The following ABCA13 variants were observed in gnomAD, a reference collection of about 807,000 sequenced individuals.
ABCA13 encodes the protein ATP binding cassette subfamily A member 13.
Under a neutral mutation model 478.7 loss-of-function variants are expected in ABCA13, and 476 were observed. That is an observed-to-expected ratio of 0.99 (90% CI 0.92 to 1.07). The LOEUF is 1.07. ABCA13 is among the 50% of genes least tolerant of loss of function. The probability of loss-of-function intolerance (pLI) is 0.00; values close to 1 mark genes in which losing one functional copy is unlikely to be tolerated. For missense variants in ABCA13, 6,060 were observed against 5,910.6 expected, an observed-to-expected ratio of 1.03 and a Z score of -0.83; for synonymous variants, 2,252 against 2,158.9, an observed-to-expected ratio of 1.04 and a Z score of -1.20.
intron 55 of ABCA13, among the ~76,000 whole-genome samples, chr7:48,570,406 G>A (rs1224942569): frequency 1.4e-5 from 2 of 138,398 alleles, no homozygotes; most frequent in Admixed American, 7.9e-5. Flanking sequence ...CTCACTGCAA[G>A]CTCTGCCTCC....
intron 8 of ABCA13, among the ~76,000 whole-genome samples, chr7:48,238,497 C>G (rs1790307823): frequency 1.3e-5 from 2 of 149,546 alleles, no homozygotes; most frequent in African/African-American, 4.9e-5. Flanking sequence ...AAGACAGAGT[C>G]TCACTCTGTT....
Position 48,278,182 on chromosome 7 carries a change from T to C in ABCA13, c.6988T>C (p.Ser2330Pro). The change falls in exon 18 of 62, where the codon TCA becomes CCA. Residue 2330 changes from serine (S) to proline (P), a missense_variant. Physicochemically the swap from Ser to Pro is moderately conservative, Grantham distance 74. This residue lies in a region of ABCA13 where 4,423 missense variants were observed against 4,309.1 expected (regional missense o/e 1.03). Transcript: ENST00000435803. ...MIQDRLMNIF[S>P]SLKETIYHLM... ...ACAAGACAGATTGATGAACATTTTTTCAAGTTTAAAGGAGACTATATATCA... is the reference window on the plus strand; with the variant it reads ...ACAAGACAGATTGATGAACATTTTTCCAAGTTTAAAGGAGACTATATATCA... 1.3e-6 allele frequency: 2 copies of C among 1,568,952 alleles called. No homozygotes were observed. Among genetic ancestry groups the C allele is most frequent in the South Asian group, 2.4e-5 (2 of 83,614 alleles).
intron 47 of ABCA13, among the ~76,000 whole-genome samples, chr7:48,484,673 T>C (rs1314595156): frequency 6.6e-6 from 1 of 152,210 alleles, no homozygotes; most frequent in Non-Finnish European, 1.5e-5. Flanking sequence ...TTTGTTTAGA[T>C]GAGTCTTCTG....
intron 29 of ABCA13, among the ~76,000 whole-genome samples, chr7:48,342,375 C>G (rs2128960921): frequency 6.6e-6 from 1 of 152,212 alleles, no homozygotes; most frequent in Admixed American, 6.5e-5. Flanking sequence ...TTGCCTATTT[C>G]TCCTTGAGGT....
intron 48 of ABCA13, among the ~76,000 whole-genome samples, chr7:48,501,626 T>C (rs1830756853): frequency 6.6e-6 from 1 of 152,192 alleles, no homozygotes; most frequent in African/African-American, 2.4e-5. Flanking sequence ...AGTGGTTTTT[T>C]ACTTCTAAGA....
At chr7:48,624,995 A>G (rs1242877430) in intron 59 of ABCA13, among the ~76,000 whole-genome samples, 1 of 152,348 alleles carries the variant, frequency 6.6e-6, no homozygotes, top group South Asian at 2.1e-4. Flanking sequence ...AGAACCAAGA[A>G]TAAAAGTAGA....
intron 50 of ABCA13, 69 bp from the exon 51 acceptor site, chr7:48,511,015 A>G (rs1831632148): frequency 1.6e-6 from 2 of 1,260,506 alleles, no homozygotes; most frequent in Admixed American, 1.8e-5. Context: ...AAACTTCAGG[A>G]TAAGTAGATG....
chr7:48,277,856 G>C (rs759449415), intron 17 of ABCA13, among the ~76,000 whole-genome samples: 5 of 151,974 alleles, frequency 3.3e-5, no homozygotes, highest in Non-Finnish European at 5.9e-5. Flanking sequence ...TAAGTTGCTA[G>C]GTTTAAAGAA....
At chr7:48,405,335 G>T (rs768181715) in intron 39 of ABCA13, among the ~76,000 whole-genome samples, 1 of 152,186 alleles carries the variant, frequency 6.6e-6, no homozygotes, top group Non-Finnish European at 1.5e-5. Flanking sequence ...ATGTGGTTTT[G>T]GTTGACACCC....
At chr7:48,249,955 C>T (rs886098136) in intron 15 of ABCA13, among the ~76,000 whole-genome samples, 1 of 152,160 alleles carries the variant, frequency 6.6e-6, no homozygotes, top group Admixed American at 6.6e-5. Context: ...CTCAGTCCCA[C>T]AAGATTGCCC....
At chr7:48,355,903 G>A (rs1809824353) in intron 31 of ABCA13, among the ~76,000 whole-genome samples, 1 of 151,940 alleles carries the variant, frequency 6.6e-6, no homozygotes, top group African/African-American at 2.4e-5. Flanking sequence ...TCAGGAGGCT[G>A]GGACAATGTA....
chr7:48,295,491 G>A (rs1012834875), intron 20 of ABCA13, among the ~76,000 whole-genome samples: 36 of 152,200 alleles, frequency 2.4e-4, no homozygotes, highest in African/African-American at 8.0e-4. Flanking sequence ...TCAAGAACAA[G>A]CTGTCTTGCT....
intron 59 of ABCA13, among the ~76,000 whole-genome samples, chr7:48,642,352 T>A (rs150556479): frequency 6.6e-6 from 1 of 152,292 alleles, no homozygotes; most frequent in East Asian, 1.9e-4. Context: ...TTTACTTAAG[T>A]GTAACACATT....
rs377348909 is a variant in ABCA13, at chr7:48,438,884, G to GTTTTGTTTTT, written c.12565+11017_12565+11018insGTTTTTTTTT. ...AACTGCAGAAGACAATTTTGCTAAGGTTTTTTTTTTTTTTTAAAAAACTAA... is the reference window on the plus strand; with the variant it reads ...AACTGCAGAAGACAATTTTGCTAAGGTTTTGTTTTTTTTTTTTTTTTTTTTAAAAAACTAA... On this transcript the variant is annotated intron_variant, in intron 42 of 61. Coordinates refer to ENST00000435803, the MANE Select transcript of ABCA13 (RefSeq NM_152701.5). 2.1e-4 allele frequency among the ~76,000 whole-genome samples: 29 copies of GTTTTGTTTTT among 139,422 alleles called. 1 individual carries two copies. The highest frequency in any genetic ancestry group is 4.8e-4 in the African/African-American group (18 of 37,644). 91.5% of individuals were successfully genotyped at this position (139,422 alleles called of 152,430 possible).
At chr7:48,498,293 C>T (rs997582520) in intron 48 of ABCA13, among the ~76,000 whole-genome samples, 6 of 152,072 alleles carry the variant, frequency 3.9e-5, no homozygotes, top group East Asian at 1.9e-4. Flanking sequence ...CACTCTTTTC[C>T]GGGTCCTTGG....
At chr7:48,419,850 G>A (rs1475472624) in intron 41 of ABCA13, among the ~76,000 whole-genome samples, 1 of 152,026 alleles carries the variant, frequency 6.6e-6, no homozygotes, top group African/African-American at 2.4e-5. Flanking sequence ...GGCAACCATG[G>A]GCAAAGAATC....
intron 42 of ABCA13, among the ~76,000 whole-genome samples, chr7:48,433,065 A>G (rs1822357323): frequency 6.6e-6 from 1 of 152,088 alleles, no homozygotes; most frequent in Non-Finnish European, 1.5e-5. Flanking sequence ...GTTGTATATG[A>G]TAAATATAAT....
chr7:48,417,585 T>C (rs1428330169), intron 41 of ABCA13, among the ~76,000 whole-genome samples: 1 of 152,196 alleles, frequency 6.6e-6, no homozygotes, highest in Non-Finnish European at 1.5e-5. Context: ...GCACAAATTG[T>C]GCATTCTGTG....
intron 48 of ABCA13, among the ~76,000 whole-genome samples, chr7:48,499,962 G>A (rs1830602758): frequency 6.6e-6 from 1 of 152,018 alleles, no homozygotes; most frequent in South Asian, 2.1e-4. Context: ...TTACAGCAAG[G>A]GTATCAAAGA....
Sources: gnomAD v4.1 joint callset for allele counts (sites outside exome capture counted in the v4.1 genomes callset) on GRCh38, gnomAD v4.1.1 for gene constraint, gnomAD v4.1.1 regional missense constraint, MANE v1.5 for transcripts, NCBI Gene and HGNC (gene_info 2026-07-23, HGNC 2026-07-21) for gene names.